Variants in AGO3 observed in about 807,000 individuals in gnomAD.
AGO3 encodes protein argonaute-3.
Under a neutral mutation model 105.5 loss-of-function variants are expected in AGO3, and 16 were observed. The observed-to-expected ratio is 0.15, with a 90% CI of 0.10 to 0.23. The LOEUF (loss-of-function observed/expected upper bound fraction) is 0.23, where lower values mean the gene tolerates loss of function less well. AGO3 is among the 10% of genes least tolerant of loss of function. AGO3 has a pLI of 1.00. For missense variants in AGO3, 534 were observed against 1,088.0 expected (o/e 0.49, Z 7.16); for synonymous variants, 340 against 367.3 (o/e 0.93, Z 0.85).
chr1:35,931,093 G>A (rs1278332838), upstream of AGO3: 2 of 392,868 alleles, frequency 5.1e-6, no homozygotes, highest in Admixed American at 4.4e-5. Context: ...AGCTTCCGGG[G>A]CGGCCCCGGG....
At position 36,014,507 on chromosome 1, in the gene AGO3, C is replaced by T. The variant is rs200392890; in HGVS notation, c.1406+459C>T. ...TTCTTCTTGACCAGGCACAGTGGCT[C>T]ACACCTGTAATCCCAGCACTTTGGG... On this transcript the variant is annotated intron_variant, in intron 11 of 18. Transcript: ENST00000373191. 5.9e-5 allele frequency among the ~76,000 whole-genome samples: 9 copies of T among 151,420 alleles called. No individual in the cohort carries two copies. In the East Asian group the frequency reaches 1.0e-3, roughly 17 times the overall value.
chr1:35,945,692 G>A lies in AGO3; in HGVS notation c.20G>A (p.Gly7Glu). Reference sequence around the variant, plus strand: ...TTTTTTTTTCCCTTTCCCCTGGCAGGACCCGCTGGGGCCCAGCCCCTACTC... The same window carrying A: ...TTTTTTTTTCCCTTTCCCCTGGCAGAACCCGCTGGGGCCCAGCCCCTACTC... MEIGSA[G>E]PAGAQPLLMV... is the part of the protein sequence containing the mutation. Residue 7 changes from glycine to glutamate, a missense_variant and splice_region_variant, in exon 2 of 19, where the codon GGA (glycine) becomes GAA (glutamate). Physicochemically the swap from Gly to Glu is moderately conservative, Grantham distance 98. This residue lies in a region of AGO3 where 161 missense variants were observed against 234.0 expected (regional missense o/e 0.69). Transcript: ENST00000373191. 6.2e-7 allele frequency: 1 copy of A among 1,609,870 alleles called. No individual in the cohort carries two copies. Among genetic ancestry groups the A allele is most frequent in the Non-Finnish European group, 8.5e-7 (1 of 1,179,100 alleles).
At chr1:36,024,566 G>A (rs951242297) in intron 11 of AGO3, among the ~76,000 whole-genome samples, 9 of 152,062 alleles carry the variant, frequency 5.9e-5, no homozygotes, top group African/African-American at 9.7e-5. Flanking sequence ...CTGCTGTCAC[G>A]CTTGTTTGAG....
chr1:36,032,131 A>G lies in AGO3; in HGVS notation c.1592-2043A>G, dbSNP rs574599304. Among the ~76,000 whole-genome samples the G allele has an allele frequency of 2.6e-5, 4 of 152,284 alleles. No homozygotes were observed. The South Asian group carries it at 8.3e-4, about 32-fold the overall frequency. ...TTTTAATTTTCTGAGGAACCTCCAC[A>G]GTGTTTTCCACAGTGGCTGCACCAT... On this transcript the variant is annotated intron_variant, in intron 12 of 18. Transcript: ENST00000373191.
chr1:36,056,594 A>G lies in AGO3; in HGVS notation c.*849A>G, dbSNP rs1642923881. On this transcript the variant is annotated 3_prime_UTR_variant, in exon 19 of 19. Transcript: ENST00000373191. ...TATATGTATACATACATACACAGAC[A>G]CAGACACACACATATATATACATAA... is the stretch of plus-strand genomic sequence containing the variant. 1 of 152,176 alleles carries G rather than the reference A, an allele frequency of 6.6e-6. No homozygotes were observed. The highest frequency in any genetic ancestry group is 1.5e-5 in the Non-Finnish European group (1 of 68,032). The allele number at this position is 152,176 out of a possible 1,614,324, so 9.4% of individuals were successfully genotyped here. A position where few individuals can be genotyped will look rare whatever the true frequency, so the allele number is the denominator to read the frequency against.
intron 12 of AGO3, 36 bp from the exon 13 acceptor site, chr1:36,034,138 T>C: frequency 1.4e-6 from 2 of 1,471,004 alleles, no homozygotes; most frequent in Non-Finnish European, 1.8e-6. Flanking sequence ...TTTCAGGTCT[T>C]TTTTTCTGAC....
At chr1:35,980,815 A>G (rs901908545) in intron 5 of AGO3, among the ~76,000 whole-genome samples, 1 of 152,228 alleles carries the variant, frequency 6.6e-6, no homozygotes, top group Non-Finnish European at 1.5e-5. Flanking sequence ...AAGTGACATC[A>G]GTAAAATTAC....
At chr1:35,983,619 C>A (rs997661046) in intron 5 of AGO3, among the ~76,000 whole-genome samples, 3 of 151,992 alleles carry the variant, frequency 2.0e-5, no homozygotes, top group Non-Finnish European at 2.9e-5. Flanking sequence ...AAACAACCCT[C>A]CACACCTGGT....
chr1:36,042,337 G>A (rs1264210591), intron 16 of AGO3, among the ~76,000 whole-genome samples: 3 of 152,090 alleles, frequency 2.0e-5, no homozygotes, highest in African/African-American at 4.8e-5. Context: ...CGCCCACCTC[G>A]GCCTCCCAAA....
chr1:35,937,518 C>T (rs1202155212), intron 1 of AGO3, among the ~76,000 whole-genome samples: 1 of 152,004 alleles, frequency 6.6e-6, no homozygotes, highest in African/African-American at 2.4e-5. Context: ...TGGTGAAACC[C>T]CATCTCTATT....
chr1:35,979,194 C>G (rs986350448), intron 5 of AGO3, among the ~76,000 whole-genome samples: 2 of 152,090 alleles, frequency 1.3e-5, no homozygotes, highest in African/African-American at 4.8e-5. Context: ...GAAACCCCAT[C>G]TCTACTAAAA....
chr1:35,987,221 G>A (rs1473202885), intron 5 of AGO3, among the ~76,000 whole-genome samples: 4 of 148,354 alleles, frequency 2.7e-5, no homozygotes, highest in East Asian at 4.0e-4. Context: ...CCAGCTACTC[G>A]GGAGGCTGAG....
chr1:35,938,978 T>A (rs1646204284), intron 1 of AGO3, among the ~76,000 whole-genome samples: 1 of 152,160 alleles, frequency 6.6e-6, no homozygotes, highest in Non-Finnish European at 1.5e-5. Flanking sequence ...TGGTTTTATG[T>A]TTGAAATTTA....
Position 35,941,912 on chromosome 1 carries a change from A to G in AGO3, c.20-3780A>G, listed in dbSNP as rs992600237. On this transcript the variant is annotated intron_variant, in intron 1 of 18. Transcript: ENST00000373191. ...CTGAGACATAGTCAGAACTTGATAA[A>G]TTTTAGAATTTGTGGATTTTCTAAG... Among the ~76,000 whole-genome samples the G allele has an allele frequency of 9.9e-5, 15 of 152,252 alleles. 1 individual carries two copies. Among genetic ancestry groups the G allele is most frequent in the Non-Finnish European group, 1.9e-4 (13 of 68,050 alleles).
chr1:35,979,221 G>A (rs1006877342), intron 5 of AGO3, among the ~76,000 whole-genome samples: 11 of 152,030 alleles, frequency 7.2e-5, no homozygotes, highest in Non-Finnish European at 1.3e-4. Context: ...AAAATTAGCC[G>A]GGCGTGGTGG....
At position 36,014,002 on chromosome 1, in the gene AGO3, A is replaced by C; in HGVS notation, c.1360A>C (p.Ile454Leu). Residue 454 changes from isoleucine (I) to leucine (L), a missense_variant, in exon 11 of 19, where the codon ATC (isoleucine) becomes CTC (leucine). Ile to Leu is a conservative substitution (Grantham distance 5). Coordinates refer to ENST00000373191, the MANE Select transcript of AGO3 (RefSeq NM_024852.4). The stretch of plus-strand genomic sequence containing the variant: ...AGGAGTTGAAATCAAAATGTGGGCT[A>C]TCGCTTGTTTTGCCACACAGAGGCA... ...HTGVEIKMWA[I>L]ACFATQRQCR... 1.9e-6 allele frequency: 3 copies of C among 1,614,162 alleles called. No individual in the cohort carries two copies. Among genetic ancestry groups the C allele is most frequent in the East Asian group, 2.2e-5 (1 of 44,880 alleles).
In AGO3 at chr1:36,027,414, A is replaced by G. The variant is rs1641552651; in HGVS notation, c.1591+116A>G. 1.0e-6 allele frequency: 1 copy of G among 1,000,918 alleles called. No homozygotes were observed. Among genetic ancestry groups the G allele is most frequent in the Non-Finnish European group, 1.4e-6 (1 of 722,062 alleles). The allele number at this position is 1,000,918 out of a possible 1,614,324, so 62.0% of individuals were successfully genotyped here. A position where few individuals can be genotyped will look rare whatever the true frequency, so the allele number is the denominator to read the frequency against. On this transcript the variant is annotated intron_variant, in intron 12 of 18. Coordinates refer to ENST00000373191, the MANE Select transcript of AGO3 (RefSeq NM_024852.4). The surrounding 1 kb of genome is among the most constrained non-coding windows in gnomAD (Gnocchi z 4.0). ...AAATATATTTTATGATACAGTATTTAAAACCATGTATTATTACTTGAAGAC... is the reference window on the plus strand; with the variant it reads ...AAATATATTTTATGATACAGTATTTGAAACCATGTATTATTACTTGAAGAC...
chr1:36,002,794 C>T (rs1193797265), intron 5 of AGO3, among the ~76,000 whole-genome samples: 1 of 150,116 alleles, frequency 6.7e-6, no homozygotes, highest in Non-Finnish European at 1.5e-5. Flanking sequence ...AAGATCCCCA[C>T]ATAAAAAGTT....
rs113889174 is a variant in AGO3 at position 35,942,322 on chromosome 1, C to T, written c.20-3370C>T. Among the ~76,000 whole-genome samples, 216 of 152,142 alleles carry T rather than the reference C, an allele frequency of 1.4e-3. 2 individuals are homozygous for T. The highest frequency in any genetic ancestry group is 4.6e-3 in the African/African-American group (192 of 41,502). ...TTGTTAGGATTTTTGCATGTATATT[C>T]GTGAATTAGATTAGCTTATGATTTT... On this transcript the variant is annotated intron_variant, in intron 1 of 18. Coordinates refer to ENST00000373191, the MANE Select transcript of AGO3 (RefSeq NM_024852.4).
Sources: gnomAD v4.1 joint callset for allele counts (sites outside exome capture counted in the v4.1 genomes callset) on GRCh38, gnomAD v4.1.1 for gene constraint, gnomAD v4.1.1 regional missense constraint, Gnocchi (gnomAD v3.1) non-coding constraint, MANE v1.5 for transcripts, NCBI Gene and HGNC (gene_info 2026-07-23, HGNC 2026-07-21) for gene names.